The following ZNF605 variants were observed in gnomAD, a reference collection of about 807,000 sequenced individuals.
The protein encoded by ZNF605 is zinc finger protein 605.
A neutral mutation model predicts 7.9 loss-of-function variants in ZNF605; 9 were observed. The ratio of observed to expected loss-of-function variants is 1.14; its 90% CI spans 0.68 to 1.98. The LOEUF is 1.98. Among genes scored for constraint, ZNF605 ranks in the 30% most tolerant of loss-of-function variants. The pLI is 0.00. For synonymous variants in ZNF605, 255 were observed against 260.1 expected, an observed-to-expected ratio of 0.98 and a Z score of 0.19; for missense variants, 673 against 762.4, an observed-to-expected ratio of 0.88 and a Z score of 1.38.
chr12:132,945,066 C>T, intron 3 of ZNF605: 1 of 302,738 alleles, frequency 3.3e-6, no homozygotes, highest in Non-Finnish European at 6.3e-6. Context: ...CAGCTCACTG[C>T]AACCTCCATC....
chr12:132,947,271 T>A (rs1304040570), intron 2 of ZNF605, among the ~76,000 whole-genome samples: 2 of 151,902 alleles, frequency 1.3e-5, no homozygotes, highest in African/African-American at 4.8e-5. Context: ...CACCTCAGCC[T>A]CCCAAAGTGC....
rs1952204596 is a variant in ZNF605, at chr12:132,921,438, A to AG, written c.*3934dup. 2 of 152,208 alleles carry AG rather than the reference A, an allele frequency of 1.3e-5. No individual in the cohort carries two copies. Among genetic ancestry groups the AG allele is most frequent in the South Asian group, 2.1e-4 (1 of 4,832 alleles). 9.4% of individuals were successfully genotyped at this position (152,208 alleles called of 1,614,324 possible). Reference sequence around the variant, plus strand: ...TCCCCTTTAGTCTATGGCAAAATAAAGGGGGGCATGGGAGAATCCTGATGG... The same window carrying AG: ...TCCCCTTTAGTCTATGGCAAAATAAAGGGGGGGCATGGGAGAATCCTGATGG... On this transcript the variant is annotated 3_prime_UTR_variant, in exon 5 of 5. Transcript: ENST00000360187.
chr12:132,953,714 G>A (rs1035678687), intron 1 of ZNF605, among the ~76,000 whole-genome samples: 13 of 151,764 alleles, frequency 8.6e-5, no homozygotes, highest in South Asian at 6.3e-4. Context: ...TGTGAGCCAC[G>A]GTGCCCAGCT....
At chr12:132,934,803 A>G (rs1228092794) in intron 3 of ZNF605, among the ~76,000 whole-genome samples, 1 of 152,014 alleles carries the variant, frequency 6.6e-6, no homozygotes, top group Non-Finnish European at 1.5e-5. Flanking sequence ...TTCAGGCCAG[A>G]GTGAATAAGG....
Position 132,925,823 on chromosome 12 carries a change from G to C in ZNF605, c.1476C>G (p.Leu492=). Residue 492 remains leucine (L), a synonymous_variant, in exon 5 of 5, where the codon CTC becomes CTG. Transcript: ENST00000360187. Reference sequence around the variant, plus strand: ...CAGTATGGGTTCTCTGATGATGAATGAGACTTGACTTCTCACTGAAGGTTT... The same window carrying C: ...CAGTATGGGTTCTCTGATGATGAATCAGACTTGACTTCTCACTGAAGGTTT... ...CRKTFSEKSS[L]IHHQRTHTGE... 1 of 1,614,172 alleles carries C rather than the reference G, an allele frequency of 6.2e-7. No homozygotes were observed. The highest frequency in any genetic ancestry group is 8.5e-7 in the Non-Finnish European group (1 of 1,180,018).
chr12:132,928,602 G>A (rs1952271658), intron 4 of ZNF605, among the ~76,000 whole-genome samples: 2 of 152,106 alleles, frequency 1.3e-5, no homozygotes, highest in South Asian at 4.1e-4. Context: ...ACCATTTATT[G>A]CATATTTTAA....
rs768548834 is a variant in ZNF605, at chr12:132,944,759, C to T, written c.15+862G>A. The stretch of plus-strand genomic sequence containing the variant: ...TTATTACAAGGCTGCTATTTAGGAT[C>T]TTACCACTATGCCATGTATATGAAT... On this transcript the variant is annotated intron_variant, in intron 3 of 4. Transcript: ENST00000360187. 2.4e-3 allele frequency: 368 copies of T among 152,754 alleles called. 1 individual carries two copies. Among genetic ancestry groups the T allele is most frequent in the Non-Finnish European group, 4.0e-3 (277 of 68,420 alleles). 9.5% of individuals were successfully genotyped at this position (152,754 alleles called of 1,614,324 possible).
rs763112605 is a variant in ZNF605, at chr12:132,925,495, A to G, written c.1804T>C (p.Ser602Pro). Reference protein sequence around the residue: ...GECGKSFTRKSHLMRHQRIHT... With the variant: ...GECGKSFTRKPHLMRHQRIHT... ...ATCCTCTGATGCCTCATAAGGTGTGACTTTCTTGTGAAAGATTTCCCACAT... is the reference window on the plus strand; with the variant it reads ...ATCCTCTGATGCCTCATAAGGTGTGGCTTTCTTGTGAAAGATTTCCCACAT... Residue 602 changes from serine to proline, a missense_variant, in exon 5 of 5, where the codon TCA (serine) becomes CCA (proline). By Grantham distance (74) the Ser-to-Pro change is moderately conservative (BLOSUM62 -1). Transcript: ENST00000360187. The G allele has an allele frequency of 8.1e-6, 13 of 1,614,156 alleles. No homozygotes were observed. In the East Asian group the frequency reaches 2.7e-4, roughly 33 times the overall value.
In ZNF605 at chr12:132,918,364, T is replaced by C. The variant is rs918336978; in HGVS notation, c.*7009A>G. 9 of 152,254 alleles carry C rather than the reference T, an allele frequency of 5.9e-5. No homozygotes were observed. The highest frequency in any genetic ancestry group is 3.9e-4 in the Admixed American group (6 of 15,290). The allele number at this position is 152,254 out of a possible 1,614,324, so 9.4% of individuals were successfully genotyped here. ...CTCCCAGTGATCACACTCACACATA[T>C]GAATTCATGAAACAGTTTACTCAGT... On this transcript the variant is annotated 3_prime_UTR_variant, in exon 5 of 5. Coordinates refer to ENST00000360187, the MANE Select transcript of ZNF605 (RefSeq NM_183238.4).
intron 3 of ZNF605, among the ~76,000 whole-genome samples, chr12:132,939,073 G>A (rs1237657965): frequency 6.6e-6 from 1 of 151,636 alleles, no homozygotes; most frequent in Non-Finnish European, 1.5e-5. Context: ...CAGCCTCCCT[G>A]ACGAGCACCA....
intron 1 of ZNF605, among the ~76,000 whole-genome samples, chr12:132,954,088 C>T (rs1362848789): frequency 6.6e-6 from 1 of 151,846 alleles, no homozygotes; most frequent in Non-Finnish European, 1.5e-5. Context: ...TATTCCTAAT[C>T]CTCCACAGGC....
chr12:132,923,577 T>C lies in ZNF605; in HGVS notation c.*1796A>G, dbSNP rs1298081008. On this transcript the variant is annotated 3_prime_UTR_variant, in exon 5 of 5. Transcript: ENST00000360187. ...TATGCTGCCATTCTTTGTTCATGTG[T>C]ATGTATTATCTTTTTTTCTCAAGGT... 6.6e-6 allele frequency: 1 copy of C among 152,238 alleles called. No individual in the cohort carries two copies. Among genetic ancestry groups the C allele is most frequent in the Non-Finnish European group, 1.5e-5 (1 of 68,040 alleles). 9.4% of individuals were successfully genotyped at this position (152,238 alleles called of 1,614,324 possible). A position where few individuals can be genotyped will look rare whatever the true frequency, so the allele number is the denominator to read the frequency against.
Position 132,936,055 on chromosome 12 carries a change from C to T in ZNF605, c.16-2900G>A, listed in dbSNP as rs1421045269. ...CAGCCTGGGCGACAGAGCAAGACTC[C>T]ATCTCAAAAAAAACCAAAAAAAAAC... On this transcript the variant is annotated intron_variant, in intron 3 of 4. Coordinates refer to ENST00000360187, the MANE Select transcript of ZNF605 (RefSeq NM_183238.4). 4.0e-5 allele frequency among the ~76,000 whole-genome samples: 6 copies of T among 149,632 alleles called. No individual in the cohort carries two copies. In the East Asian group the frequency reaches 1.2e-3, roughly 29 times the overall value.
chr12:132,927,749 C>T (rs7980663), intron 4 of ZNF605, among the ~76,000 whole-genome samples: 22,106 of 151,668 alleles, frequency 0.15, 1,812 homozygotes, highest in Non-Finnish European at 0.19. Context: ...CTCCACCTCC[C>T]GGGTTCAAGC....
rs879725913 is a variant in ZNF605 at position 132,922,316 on chromosome 12, G to A, written c.*3057C>T. 1.3e-5 allele frequency: 2 copies of A among 152,194 alleles called. No individual in the cohort carries two copies. Among genetic ancestry groups the A allele is most frequent in the Admixed American group, 1.3e-4 (2 of 15,276 alleles). The allele number at this position is 152,194 out of a possible 1,614,324, so 9.4% of individuals were successfully genotyped here. On this transcript the variant is annotated 3_prime_UTR_variant, in exon 5 of 5. Coordinates refer to ENST00000360187, the MANE Select transcript of ZNF605 (RefSeq NM_183238.4). Reference sequence around the variant, plus strand: ...CCAGAGGTAGTAAAAGACTTCATAAGTCTTTCTATTACTGAAGAGGAGCTT... The same window carrying A: ...CCAGAGGTAGTAAAAGACTTCATAAATCTTTCTATTACTGAAGAGGAGCTT...
At chr12:132,937,214 C>T (rs1952375655) in intron 3 of ZNF605, among the ~76,000 whole-genome samples, 1 of 151,922 alleles carries the variant, frequency 6.6e-6, no homozygotes, top group African/African-American at 2.4e-5. Context: ...CAAAAATTAG[C>T]CAGGCATGGT....
rs1952253291 is a variant in ZNF605 at position 132,926,865 on chromosome 12, C to A, written c.434G>T (p.Cys145Phe). 6.2e-7 allele frequency: 1 copy of A among 1,614,200 alleles called. No individual in the cohort carries two copies. The highest frequency in any genetic ancestry group is 2.2e-5 in the East Asian group (1 of 44,888). The change falls in exon 5 of 5, where the codon TGC becomes TTC. Residue 145 changes from cysteine (C) to phenylalanine (F), a missense_variant. Coordinates refer to ENST00000360187, the MANE Select transcript of ZNF605 (RefSeq NM_183238.4). ...GTTGCTGGATTTTCTACATGTACTG[C>A]AATCACAGTATTTTATCCCACCATG... ...RTHGGIKYCD[C>F]STCRKSSNEE...
intron 3 of ZNF605, among the ~76,000 whole-genome samples, chr12:132,939,841 C>G (rs1169013776): frequency 2.7e-5 from 4 of 149,952 alleles, no homozygotes; most frequent in African/African-American, 1.0e-4. Context: ...TGCAGCTTCA[C>G]TCCTGAGCCA....
chr12:132,923,725 T>C lies in ZNF605; in HGVS notation c.*1648A>G, dbSNP rs1333163382. On this transcript the variant is annotated 3_prime_UTR_variant, in exon 5 of 5. Coordinates refer to ENST00000360187, the MANE Select transcript of ZNF605 (RefSeq NM_183238.4). Reference sequence around the variant, plus strand: ...GAGCTTCTTGAATATGTGGGGGTATTGTTTTCACCAGATTTGGAAAATCTT... The same window carrying C: ...GAGCTTCTTGAATATGTGGGGGTATCGTTTTCACCAGATTTGGAAAATCTT... The C allele has an allele frequency of 6.6e-6, 1 of 152,210 alleles. No homozygotes were observed. Among genetic ancestry groups the C allele is most frequent in the Non-Finnish European group, 1.5e-5 (1 of 68,028 alleles). 9.4% of individuals were successfully genotyped at this position (152,210 alleles called of 1,614,324 possible).
Sources: allele counts gnomAD v4.1 joint callset (sites outside exome capture counted in the v4.1 genomes callset), GRCh38; gene constraint gnomAD v4.1.1; transcripts MANE v1.5; gene names NCBI Gene and HGNC (gene_info 2026-07-23, HGNC 2026-07-21).